RGPD3: variants seen among roughly 807,000 people sequenced by gnomAD.
The protein encoded by RGPD3 is RANBP2 like and GRIP domain containing 3.
Under a neutral mutation model 154.5 loss-of-function variants are expected in RGPD3, and 62 were observed. The ratio of observed to expected loss-of-function variants is 0.40; its 90% CI spans 0.33 to 0.50. The LOEUF (loss-of-function observed/expected upper bound fraction) is 0.50. Among genes scored for constraint, RGPD3 ranks in the 20% least tolerant of loss-of-function variants. The pLI, the probability that RGPD3 is intolerant of heterozygous loss-of-function variation, is 0.59. For missense variants in RGPD3, 919 were observed against 1,716.8 expected (o/e 0.54, Z 8.21); for synonymous variants, 308 against 607.0 (o/e 0.51, Z 7.24).
chr2:106,424,108 C>G lies in RGPD3; in HGVS notation c.3859G>C (p.Glu1287Gln), dbSNP rs3898279. The change falls in exon 20 of 23, where the codon GAG (glutamate) becomes CAG (glutamine). Residue 1287 changes from glutamate to glutamine, a missense_variant. By Grantham distance (29) the Glu-to-Gln change is conservative. Coordinates refer to ENST00000409886, the MANE Select transcript of RGPD3 (RefSeq NM_001144013.2). ...CTGAAGTTAGATCCTGTTGTTGACT[C>G]ATCAAAGTGGAAAAGATTTTTTCTC... ...PVRKNLFHFD[E>Q]STTGSNFSFK... The G allele has an allele frequency of 1.3e-6, 2 of 1,559,618 alleles. No individual in the cohort carries two copies. Among genetic ancestry groups the G allele is most frequent in the Non-Finnish European group, 1.8e-6 (2 of 1,141,056 alleles).
At position 106,403,744 on chromosome 2, in the gene RGPD3, GTTC is replaced by G. The variant is rs1236809751; in HGVS notation, c.*1472_*1474del. Among the ~76,000 whole-genome samples the G allele has an allele frequency of 1.3e-5, 2 of 152,260 alleles. No individual in the cohort carries two copies. The highest frequency in any genetic ancestry group is 4.8e-5 in the African/African-American group (2 of 41,486). On this transcript the variant is annotated 3_prime_UTR_variant, in exon 23 of 23. Transcript: ENST00000409886. Reference sequence around the variant, plus strand: ...ATTCATACATTCGCTAGTTAGGTCTGTTCTTCTAAGGAGGAAAGACGAGATATA... The same window carrying G: ...ATTCATACATTCGCTAGTTAGGTCTGTTCTAAGGAGGAAAGACGAGATATA...
rs538179639 is a variant in RGPD3, at chr2:106,424,143, C to T, written c.3824G>A (p.Ser1275Asn). The stretch of plus-strand genomic sequence containing the variant: ...GAAAAGATTTTTTCTCACAGGGCTA[C>T]TTGCCAATGGAGAAGCATGTACTGA... Reference protein sequence around the residue: ...SSSVHASPLASSPVRKNLFHF... With the variant: ...SSSVHASPLANSPVRKNLFHF... The change falls in exon 20 of 23, where the codon AGT becomes AAT. Residue 1275 changes from serine to asparagine, a missense_variant. By Grantham distance (46) the Ser-to-Asn change is conservative. Coordinates refer to ENST00000409886, the MANE Select transcript of RGPD3 (RefSeq NM_001144013.2). The T allele has an allele frequency of 2.3e-3, 3,635 of 1,610,780 alleles. 117 individuals carry two copies. In the Admixed American group the frequency reaches 0.055, roughly 25 times the overall value.
At chr2:106,450,449 C>T (rs1163633433) in intron 6 of RGPD3, among the ~76,000 whole-genome samples, 8 of 151,006 alleles carry the variant, frequency 5.3e-5, no homozygotes, top group African/African-American at 2.0e-4. Context: ...GTCCTCCCCT[C>T]AGGCCCCCAA....
In RGPD3 at chr2:106,424,792, C is replaced by A. The variant is rs749638880; in HGVS notation, c.3175G>T (p.Val1059Phe). ...ELVTGEEGEK[V>F]LYSQGVKLFR... ...AGTTTTACCCCCTGTGAATACAGAA[C>A]TTTTTCACCTTCTTCTCCTGTTACA... is the stretch of plus-strand genomic sequence containing the variant. Residue 1059 changes from valine to phenylalanine, a missense_variant, in exon 20 of 23, where the codon GTT becomes TTT. By Grantham distance (50) the Val-to-Phe change is conservative (BLOSUM62 -1). Coordinates refer to ENST00000409886, the MANE Select transcript of RGPD3 (RefSeq NM_001144013.2). 6.2e-7 allele frequency: 1 copy of A among 1,611,674 alleles called. No individual in the cohort carries two copies. Among genetic ancestry groups the A allele is most frequent in the Admixed American group, 1.7e-5 (1 of 59,958 alleles).
At chr2:106,416,897 TC>T (rs1309620298) in intron 20 of RGPD3, among the ~76,000 whole-genome samples, 1 of 15,226 alleles carries the variant, frequency 6.6e-5, no homozygotes. Flanking sequence ...TAATAATTTT[TC>T]CATTTGGACA....
upstream of RGPD3, among the ~76,000 whole-genome samples, chr2:106,470,066 CAT>C (rs1678776550): frequency 6.6e-6 from 1 of 152,092 alleles, no homozygotes; most frequent in East Asian, 1.9e-4. Flanking sequence ...AAAAAAGAAT[CAT>C]AGTACTCTCT....
At chr2:106,412,297 T>G (rs905707127) in intron 22 of RGPD3, among the ~76,000 whole-genome samples, 4 of 28,774 alleles carry the variant, frequency 1.4e-4, no homozygotes, top group Admixed American at 3.5e-4. Flanking sequence ...ATCATAGTTT[T>G]TTTTTTTTTT....
At chr2:106,430,291 G>T (rs530303505) in intron 17 of RGPD3, among the ~76,000 whole-genome samples, 3 of 150,282 alleles carry the variant, frequency 2.0e-5, no homozygotes, top group Non-Finnish European at 4.4e-5. Context: ...TCCCATTTTC[G>T]TTAATACAAA....
At chr2:106,469,703 A>AGCACTTTTCCCCAGCCC, upstream of RGPD3, among the ~76,000 whole-genome samples, 1 of 152,136 alleles carries the variant, frequency 6.6e-6, no homozygotes, top group Non-Finnish European at 1.5e-5. Flanking sequence ...GCACAAAACC[A>AGCACTTTTCCCCAGCCC]ATCAGCTGAC....
At chr2:106,470,862 G>A (rs1429405842), upstream of RGPD3, 4 of 1,601,076 alleles carry the variant, frequency 2.5e-6, no homozygotes, top group African/African-American at 4.0e-5. Flanking sequence ...ATCTAGTGGA[G>A]TACTGGGCCG....
Position 106,404,629 on chromosome 2 carries a change from CTAT to C in RGPD3, c.*587_*589del, listed in dbSNP as rs1198052611. 3.8e-5 allele frequency among the ~76,000 whole-genome samples: 4 copies of C among 103,946 alleles called. No individual in the cohort carries two copies. The highest frequency in any genetic ancestry group is 1.4e-4 in the African/African-American group (4 of 28,342). 68.2% of individuals were successfully genotyped at this position (103,946 alleles called of 152,430 possible). A position where few individuals can be genotyped will look rare whatever the true frequency, so the allele number is the denominator to read the frequency against. ...TAGTCATAAAATGTTATTTTTATTA[CTAT>C]TATTATTTTTAGAGACAAGGTCTCG... On this transcript the variant is annotated 3_prime_UTR_variant, in exon 23 of 23. Coordinates refer to ENST00000409886, the MANE Select transcript of RGPD3 (RefSeq NM_001144013.2).
Position 106,413,263 on chromosome 2 carries a change from C to A in RGPD3, c.5087G>T (p.Arg1696Ile). The change falls in exon 22 of 23, where the codon AGA becomes ATA. Residue 1696 changes from arginine (R) to isoleucine (I), a missense_variant. Arg to Ile is a moderately conservative substitution (Grantham distance 97). Transcript: ENST00000409886. ...QIKLLKSEIRRLERNQEQEVS... is the reference protein window; with the variant it reads ...QIKLLKSEIRILERNQEQEVS... ...CTCTTGCTCTTGATTCCTTTCCAAT[C>A]TTCTTATTTCACTTTTGAGAAGCTG... 2 of 1,611,552 alleles carry A rather than the reference C, an allele frequency of 1.2e-6. No individual in the cohort carries two copies. The highest frequency in any genetic ancestry group is 1.7e-6 in the Non-Finnish European group (2 of 1,179,504).
intron 22 of RGPD3, among the ~76,000 whole-genome samples, chr2:106,412,149 T>C (rs1416961220): frequency 2.8e-5 from 4 of 144,662 alleles, no homozygotes; most frequent in Non-Finnish European, 6.0e-5. Context: ...AATTTAAAAC[T>C]AAAACAAAAA....
At chr2:106,410,305 A>C (rs1676632428) in intron 22 of RGPD3, among the ~76,000 whole-genome samples, 1 of 152,178 alleles carries the variant, frequency 6.6e-6, no homozygotes, top group Admixed American at 6.5e-5. Context: ...ATAATCTTTA[A>C]AGGGCAAACT....
At chr2:106,466,011 G>T (rs1225594643) in intron 1 of RGPD3, among the ~76,000 whole-genome samples, 3 of 151,904 alleles carry the variant, frequency 2.0e-5, no homozygotes, top group Non-Finnish European at 2.9e-5. Context: ...TATGACCTCC[G>T]CCGCAGCATA....
At position 106,414,440 on chromosome 2, in the gene RGPD3, G is replaced by T. The variant is rs371889493; in HGVS notation, c.5065-1155C>A. The stretch of plus-strand genomic sequence containing the variant: ...AGATTTAGACCATCCTGGCCAACAT[G>T]GTGAAACCATGCCTCTAGTAAAATA... On this transcript the variant is annotated intron_variant, in intron 21 of 22. Coordinates refer to ENST00000409886, the MANE Select transcript of RGPD3 (RefSeq NM_001144013.2). Among the ~76,000 whole-genome samples, 8 of 152,024 alleles carry T rather than the reference G, an allele frequency of 5.3e-5. No homozygotes were observed. In the East Asian group the frequency reaches 1.6e-3, roughly 30 times the overall value.
At chr2:106,464,718 AT>A (rs1200270304) in intron 1 of RGPD3, among the ~76,000 whole-genome samples, 1 of 146,958 alleles carries the variant, frequency 6.8e-6, no homozygotes, top group Non-Finnish European at 1.5e-5. Flanking sequence ...AAAATTATAT[AT>A]TTTTTTCTTT....
At position 106,403,680 on chromosome 2, in the gene RGPD3, C is replaced by G. The variant is rs1363357537; in HGVS notation, c.*1539G>C. ...ATTCACAGTTTATAAAGTAAAAAAACTAAACTCTTCATGTCGGCTCTGAAA... is the reference window on the plus strand; with the variant it reads ...ATTCACAGTTTATAAAGTAAAAAAAGTAAACTCTTCATGTCGGCTCTGAAA... On this transcript the variant is annotated 3_prime_UTR_variant, in exon 23 of 23. Coordinates refer to ENST00000409886, the MANE Select transcript of RGPD3 (RefSeq NM_001144013.2). Among the ~76,000 whole-genome samples the G allele has an allele frequency of 2.0e-5, 3 of 152,284 alleles. No individual in the cohort carries two copies. Among genetic ancestry groups the G allele is most frequent in the Non-Finnish European group, 4.4e-5 (3 of 68,054 alleles).
intron 9 of RGPD3, among the ~76,000 whole-genome samples, chr2:106,438,731 G>A (rs1344025809): frequency 2.7e-5 from 4 of 150,336 alleles, no homozygotes; most frequent in Non-Finnish European, 5.9e-5. Flanking sequence ...ACAGTGAGCC[G>A]AGATCGCACC....
Sources: allele counts gnomAD v4.1 joint callset (sites outside exome capture counted in the v4.1 genomes callset), GRCh38; gene constraint gnomAD v4.1.1; transcripts MANE v1.5; gene names NCBI Gene and HGNC (gene_info 2026-07-23, HGNC 2026-07-21).